BIRC6: variants seen among roughly 807,000 people sequenced by gnomAD.
The protein encoded by BIRC6 is baculoviral IAP repeat containing 6.
A neutral mutation model predicts 503.3 loss-of-function variants in BIRC6; 98 were observed. The ratio of observed to expected loss-of-function variants is 0.19; its 90% CI spans 0.17 to 0.23. The LOEUF is 0.23. Ranked by LOEUF, BIRC6 falls within the 10% of genes least tolerant of loss-of-function variation. BIRC6 has a pLI of 1.00. For missense variants in BIRC6, 5,360 were observed against 5,806.0 expected, an observed-to-expected ratio of 0.92 and a Z score of 2.50; for synonymous variants, 2,240 against 2,078.7, an observed-to-expected ratio of 1.08 and a Z score of -2.11.
intron 8 of BIRC6, among the ~76,000 whole-genome samples, chr2:32,403,940 T>G (rs942348728): frequency 6.6e-6 from 1 of 151,242 alleles, no homozygotes; most frequent in African/African-American, 2.4e-5. Context: ...TTTTTTTTTT[T>G]TTTTGGAGAC....
intron 37 of BIRC6, 59 bp downstream of exon 37, chr2:32,479,676 A>G: frequency 7.3e-7 from 1 of 1,372,502 alleles, no homozygotes; most frequent in Non-Finnish European, 9.9e-7. Context: ...GTTTCAAAAT[A>G]AAGAATGTTA....
At position 32,518,451 on chromosome 2, in the gene BIRC6, G is replaced by C. The variant is rs1372852103; in HGVS notation, c.11493+54G>C. On this transcript the variant is annotated intron_variant, in intron 56 of 73. Coordinates refer to ENST00000421745, the MANE Select transcript of BIRC6 (RefSeq NM_016252.4). Reference sequence around the variant, plus strand: ...GTGTATACATGTATTTTACAATTTTGTATCAGAGCCTGCAGTTACCTCCTA... The same window carrying C: ...GTGTATACATGTATTTTACAATTTTCTATCAGAGCCTGCAGTTACCTCCTA... 5 of 1,549,788 alleles carry C rather than the reference G, an allele frequency of 3.2e-6. No homozygotes were observed. In the Admixed American group the frequency reaches 1.1e-4, roughly 34 times the overall value.
intron 65 of BIRC6, chr2:32,557,696 G>A (rs2754513): frequency 0.62 from 94,514 of 152,034 alleles, 29,795 homozygotes; most frequent in African/African-American, 0.66. Flanking sequence ...TCCCTTGAAC[G>A]AGACCTTCAG....
At chr2:32,542,712 A>T (rs2057764520) in intron 61 of BIRC6, among the ~76,000 whole-genome samples, 1 of 152,254 alleles carries the variant, frequency 6.6e-6, no homozygotes. Context: ...TTAACTAATT[A>T]TAAAGGTGGA....
At chr2:32,596,708 T>C (rs533730492) in intron 68 of BIRC6, among the ~76,000 whole-genome samples, 1 of 152,330 alleles carries the variant, frequency 6.6e-6, no homozygotes, top group East Asian at 1.9e-4. Context: ...TAGATTTCGT[T>C]CCGCTTCCTG....
chr2:32,601,056 T>G (rs541752354), intron 70 of BIRC6, among the ~76,000 whole-genome samples: 1 of 152,366 alleles, frequency 6.6e-6, no homozygotes, highest in East Asian at 1.9e-4. Context: ...GATTTTGTTT[T>G]GGGCTGCATT....
At chr2:32,509,340 T>C (rs2054145545) in intron 51 of BIRC6, among the ~76,000 whole-genome samples, 1 of 152,136 alleles carries the variant, frequency 6.6e-6, no homozygotes, top group Non-Finnish European at 1.5e-5. Flanking sequence ...CTGCAACTTC[T>C]GCCTCCCGAG....
chr2:32,416,013 C>A lies in BIRC6; in HGVS notation c.2722C>A (p.Gln908Lys). Residue 908 changes from glutamine (Q) to lysine (K), a missense_variant, in exon 10 of 74, where the codon CAG becomes AAG. Coordinates refer to ENST00000421745, the MANE Select transcript of BIRC6 (RefSeq NM_016252.4). ...TCTTGGACACCTGGTAATAACCACT[C>A]AGGGAGGATATGTAAAAATACTAGA... ...STLGHLVITTQGGYVKILDLS... is the reference protein window; with the variant it reads ...STLGHLVITTKGGYVKILDLS... The A allele has an allele frequency of 6.2e-7, 1 of 1,613,898 alleles. No homozygotes were observed. Among genetic ancestry groups the A allele is most frequent in the Non-Finnish European group, 8.5e-7 (1 of 1,179,880 alleles).
At chr2:32,394,155 A>ATT (rs1220978056) in intron 5 of BIRC6, among the ~76,000 whole-genome samples, 2 of 142,636 alleles carry the variant, frequency 1.4e-5, no homozygotes, top group African/African-American at 5.1e-5. Flanking sequence ...TGATGCCTTG[A>ATT]TTTTTTTTTT....
intron 43 of BIRC6, among the ~76,000 whole-genome samples, chr2:32,491,096 TCTGA>T (rs1313346614): frequency 1.3e-5 from 2 of 152,226 alleles, no homozygotes; most frequent in African/African-American, 4.8e-5. Flanking sequence ...AAAGTAGATC[TCTGA>T]CTGTTTCTGG....
chr2:32,467,838 T>G, intron 27 of BIRC6, 65 bp from the exon 28 acceptor site: 1 of 1,450,762 alleles, frequency 6.9e-7, no homozygotes, highest in Non-Finnish European at 9.3e-7. Context: ...TCTTTTTAAA[T>G]ACATTGCTCA....
At chr2:32,497,104 GT>G (rs1218378219) in intron 45 of BIRC6, among the ~76,000 whole-genome samples, 1 of 152,186 alleles carries the variant, frequency 6.6e-6, no homozygotes, top group African/African-American at 2.4e-5. Flanking sequence ...TCTGGATTTT[GT>G]TAGATGTTTC....
At chr2:32,360,274 G>A (rs1374630897) in intron 1 of BIRC6, among the ~76,000 whole-genome samples, 1 of 152,182 alleles carries the variant, frequency 6.6e-6, no homozygotes, top group East Asian at 1.9e-4. Flanking sequence ...TATGTATTGA[G>A]TGGCAAAGAC....
At chr2:32,442,676 C>G (rs2045551021) in intron 19 of BIRC6, among the ~76,000 whole-genome samples, 1 of 152,168 alleles carries the variant, frequency 6.6e-6, no homozygotes, top group African/African-American at 2.4e-5. Flanking sequence ...GAAAAGAAGT[C>G]TGCTGAGCTT....
At chr2:32,368,559 A>G (rs1378234840) in intron 1 of BIRC6, among the ~76,000 whole-genome samples, 1 of 152,084 alleles carries the variant, frequency 6.6e-6, no homozygotes, top group Non-Finnish European at 1.5e-5. Flanking sequence ...ATAAATAAAT[A>G]AATAAATAAA....
At chr2:32,369,547 C>G (rs2035472631) in intron 1 of BIRC6, among the ~76,000 whole-genome samples, 1 of 151,500 alleles carries the variant, frequency 6.6e-6, no homozygotes, top group Non-Finnish European at 1.5e-5. Context: ...TCTGCTTCAG[C>G]CTCCCGAGTA....
chr2:32,603,179 TA>T, intron 71 of BIRC6, 96 bp downstream of exon 71: 5 of 817,362 alleles, frequency 6.1e-6, no homozygotes, highest in South Asian at 2.1e-5. Context: ...ATAGTAAACC[TA>T]AAAAAAGATA....
chr2:32,366,629 CTG>C (rs1397219951), intron 1 of BIRC6, among the ~76,000 whole-genome samples: 1 of 152,036 alleles, frequency 6.6e-6, no homozygotes, highest in Non-Finnish European at 1.5e-5. Context: ...AGTGACCTCT[CTG>C]ATATGTGTGT....
chr2:32,405,521 C>T (rs548969640), intron 8 of BIRC6, among the ~76,000 whole-genome samples: 3 of 152,042 alleles, frequency 2.0e-5, no homozygotes, highest in African/African-American at 2.4e-5. Context: ...AAAATAACAT[C>T]GTAGGCCAGG....
Sources: gnomAD v4.1 joint callset for allele counts (sites outside exome capture counted in the v4.1 genomes callset) on GRCh38, gnomAD v4.1.1 for gene constraint, MANE v1.5 for transcripts, NCBI Gene and HGNC (gene_info 2026-07-23, HGNC 2026-07-21) for gene names.